KCNH3: variants seen among roughly 807,000 people sequenced by gnomAD.
KCNH3 encodes the protein voltage-gated inwardly rectifying potassium channel KCNH3.
A neutral mutation model predicts 95.6 loss-of-function variants in KCNH3; 36 were observed. The observed-to-expected ratio is 0.38, with a 90% CI of 0.29 to 0.50. The LOEUF is 0.50. Ranked by LOEUF, KCNH3 falls within the 20% of genes least tolerant of loss-of-function variation. The pLI, the probability that KCNH3 is intolerant of heterozygous loss-of-function variation, is 0.95. For missense variants in KCNH3, 1,030 were observed against 1,484.1 expected (o/e 0.69, Z 5.03); for synonymous variants, 620 against 646.3 (o/e 0.96, Z 0.62).
In KCNH3 at chr12:49,539,586, A is replaced by C. The variant is rs1279673510; in HGVS notation, c.76+94A>C. The C allele has an allele frequency of 1.8e-6, 2 of 1,124,976 alleles. No homozygotes were observed. Among genetic ancestry groups the C allele is most frequent in the African/African-American group, 3.2e-5 (2 of 61,972 alleles). 69.7% of individuals were successfully genotyped at this position (1,124,976 alleles called of 1,614,324 possible). A position where few individuals can be genotyped will look rare whatever the true frequency, so the allele number is the denominator to read the frequency against. ...ACCCCCAGCAGCCCAGCTTGGCGCC[A>C]GCCTATTCTCACCCTCTCCTCCCTA... On this transcript the variant is annotated intron_variant, in intron 1 of 14. Coordinates refer to ENST00000257981, the MANE Select transcript of KCNH3 (RefSeq NM_012284.3). This position sits in a 1 kb window ranked among gnomAD's most constrained non-coding sequence, Gnocchi z 6.7.
rs1313512254 is a variant in KCNH3, at chr12:49,557,992, C to T, written c.*39C>T. On this transcript the variant is annotated 3_prime_UTR_variant, in exon 15 of 15. Transcript: ENST00000257981. Reference sequence around the variant, plus strand: ...AACTCAGCGTTGCCAGGTGTGCTGCCATCTGCTGTTCGGCCCAACCTCAGA... The same window carrying T: ...AACTCAGCGTTGCCAGGTGTGCTGCTATCTGCTGTTCGGCCCAACCTCAGA... 6.2e-6 allele frequency: 9 copies of T among 1,442,402 alleles called. No individual in the cohort carries two copies. Among genetic ancestry groups the T allele is most frequent in the Non-Finnish European group, 6.4e-6 (7 of 1,094,116 alleles). 89.4% of individuals were successfully genotyped at this position (1,442,402 alleles called of 1,614,324 possible). A position where few individuals can be genotyped will look rare whatever the true frequency, so the allele number is the denominator to read the frequency against.
intron 10 of KCNH3, among the ~76,000 whole-genome samples, chr12:49,551,561 C>T (rs886445547): frequency 2.4e-4 from 29 of 122,900 alleles, no homozygotes; most frequent in African/African-American, 5.9e-4. Context: ...GGGCGATAAG[C>T]GAGACTCTGT....
intron 10 of KCNH3, among the ~76,000 whole-genome samples, chr12:49,551,341 C>T (rs767931901): frequency 4.6e-5 from 7 of 152,196 alleles, no homozygotes; most frequent in Middle Eastern, 3.4e-3. Flanking sequence ...TTTGGCAGGC[C>T]GAGGCAGGCA....
chr12:49,554,653 T>G (rs1300944125), intron 11 of KCNH3, 99 bp downstream of exon 11: 1 of 1,059,062 alleles, frequency 9.4e-7, no homozygotes, highest in African/African-American at 1.6e-5. Flanking sequence ...GTGTGAAGTG[T>G]GGCCTGGTAT....
intron 9 of KCNH3, 38 bp from the exon 10 acceptor site, chr12:49,550,042 C>CG: frequency 1.4e-6 from 2 of 1,480,062 alleles, no homozygotes; most frequent in South Asian, 1.3e-5. Flanking sequence ...TCTTCTGCCA[C>CG]TCCCAACCCC....
Position 49,541,019 on chromosome 12 carries a change from C to T in KCNH3, c.197C>T (p.Ala66Val). Residue 66 changes from alanine (A) to valine (V), a missense_variant, in exon 2 of 15, where the codon GCC becomes GTC. Physicochemically the swap from Ala to Val is moderately conservative, Grantham distance 64. Transcript: ENST00000257981. ...GCTGAGGTCATGCAGCGGGGCTGTG[C>T]CTGCTCCTTCCTTTATGGGCCAGAC... Reference protein sequence around the residue: ...SRAEVMQRGCACSFLYGPDTS... With the variant: ...SRAEVMQRGCVCSFLYGPDTS... 6.2e-7 allele frequency: 1 copy of T among 1,614,052 alleles called. No individual in the cohort carries two copies. Among genetic ancestry groups the T allele is most frequent in the Non-Finnish European group, 8.5e-7 (1 of 1,180,034 alleles).
At position 49,557,259 on chromosome 12, in the gene KCNH3, G is replaced by A. The variant is rs1938497556; in HGVS notation, c.2652G>A (p.Ala884=). The A allele has an allele frequency of 6.2e-7, 1 of 1,613,970 alleles. No individual in the cohort carries two copies. The change falls in exon 14 of 15, where the codon GCG becomes GCA. Residue 884 remains alanine, a splice_region_variant and synonymous_variant. Coordinates refer to ENST00000257981, the MANE Select transcript of KCNH3 (RefSeq NM_012284.3). ...NTDTLDKLRQ[A]VTELSEQVLQ... Reference sequence around the variant, plus strand: ...ACACACTGGACAAGCTTCGGCAGGCGGTGGGTGAGGGGGAAGGTGGAGGTG... The same window carrying A: ...ACACACTGGACAAGCTTCGGCAGGCAGTGGGTGAGGGGGAAGGTGGAGGTG...
In KCNH3 at chr12:49,550,181, C is replaced by A; in HGVS notation, c.1770C>A (p.Cys590Ter). Residue 590 changes from cysteine (C) to a stop codon, truncating the protein, a stop_gained, in exon 10 of 15, where the codon TGC (cysteine) becomes TGA (stop). Coordinates refer to ENST00000257981, the MANE Select transcript of KCNH3 (RefSeq NM_012284.3). LOFTEE classifies it high-confidence loss of function. ...TGTTTGAGGCGGCCAGCCGCGGCTG[C>A]CTGCGGGCACTGTCTCTGGCCCTGC... is the stretch of plus-strand genomic sequence containing the variant. ...LPLFEAASRG[C>*]LRALSLALRP... The A allele has an allele frequency of 6.2e-7, 1 of 1,609,524 alleles. No homozygotes were observed. Among genetic ancestry groups the A allele is most frequent in the Non-Finnish European group, 8.5e-7 (1 of 1,179,746 alleles).
chr12:49,549,947 G>C, intron 9 of KCNH3, 133 bp from the exon 10 acceptor site: 4 of 973,844 alleles, frequency 4.1e-6, no homozygotes, highest in Non-Finnish European at 4.4e-6. Context: ...GCTTGGAGTT[G>C]TGAGAGAGGC....
rs1206396051 is a variant in KCNH3 at position 49,539,328 on chromosome 12, C to T, written c.-89C>T. The T allele has an allele frequency of 2.6e-6, 2 of 758,256 alleles. No homozygotes were observed. The highest frequency in any genetic ancestry group is 4.5e-5 in the Admixed American group (1 of 21,992). The allele number at this position is 758,256 out of a possible 1,614,324, so 47.0% of individuals were successfully genotyped here. A position where few individuals can be genotyped will look rare whatever the true frequency, so the allele number is the denominator to read the frequency against. Reference sequence around the variant, plus strand: ...CGGCTGCGCTAGGGAGCGCGGGGCCCGGCGGGGGGCGGCCGAGCTGGGCGC... The same window carrying T: ...CGGCTGCGCTAGGGAGCGCGGGGCCTGGCGGGGGGCGGCCGAGCTGGGCGC... On this transcript the variant is annotated 5_prime_UTR_variant, in exon 1 of 15. Transcript: ENST00000257981. The surrounding 1 kb of genome is among the most constrained non-coding windows in gnomAD (Gnocchi z 6.7).
chr12:49,542,771 C>G lies in KCNH3; in HGVS notation c.511C>G (p.Arg171Gly). The G allele has an allele frequency of 6.3e-7, 1 of 1,594,884 alleles. No homozygotes were observed. The highest frequency in any genetic ancestry group is 8.5e-7 in the Non-Finnish European group (1 of 1,172,102). Residue 171 changes from arginine to glycine, a missense_variant, in exon 4 of 15, where the codon CGG becomes GGG. Physicochemically the swap from Arg to Gly is moderately radical, Grantham distance 125 (BLOSUM62 -2). Around this residue, in one of 9 missense-constraint regions of KCNH3, gnomAD observed 92 missense variants for 92.7 expected, o/e 0.99. Transcript: ENST00000257981. ...KGFNANRRRS[R>G]AVLYHLSGHL... Reference sequence around the variant, plus strand: ...CTTCAATGCCAACCGGCGGCGGAGCCGGGCCGTGCTCTACCACCTGTCCGG... The same window carrying G: ...CTTCAATGCCAACCGGCGGCGGAGCGGGGCCGTGCTCTACCACCTGTCCGG...
chr12:49,547,106 G>A lies in KCNH3; in HGVS notation c.1190-1789G>A, dbSNP rs140673185. Among the ~76,000 whole-genome samples the A allele has an allele frequency of 2.0e-3, 300 of 152,062 alleles. 2 individuals are homozygous for A. The highest frequency in any genetic ancestry group is 3.5e-3 in the Non-Finnish European group (238 of 67,982). ...GATGGGGTTTCACCATGTTGGTCAC[G>A]CTGGTCTCGAACTCCTGACCTTGTG... On this transcript the variant is annotated intron_variant, in intron 7 of 14. Transcript: ENST00000257981.
intron 13 of KCNH3, 49 bp from the exon 14 acceptor site, chr12:49,557,134 T>C (rs758975028): frequency 6.3e-7 from 1 of 1,592,696 alleles, no homozygotes; most frequent in Non-Finnish European, 8.6e-7. Context: ...CCAAATTGCC[T>C]ATCTCCTCTT....
At chr12:49,542,913 C>A in intron 4 of KCNH3, 74 bp downstream of exon 4, 2 of 1,540,622 alleles carry the variant, frequency 1.3e-6, no homozygotes, top group South Asian at 1.2e-5. Context: ...ACCTGATCTA[C>A]CACAGAGAGA....
rs756303070 is a variant in KCNH3 at position 49,542,788 on chromosome 12, C to T, written c.528C>T (p.His176=). 4 of 1,601,038 alleles carry T rather than the reference C, an allele frequency of 2.5e-6. No individual in the cohort carries two copies. The highest frequency in any genetic ancestry group is 1.3e-5 in the African/African-American group (1 of 74,988). Residue 176 remains histidine (H), a synonymous_variant, in exon 4 of 15, where the codon CAC becomes CAT. Transcript: ENST00000257981. ...NRRRSRAVLY[H]LSGHLQKQPK... ...GGCGGAGCCGGGCCGTGCTCTACCA[C>T]CTGTCCGGGCACCTGCAGAAGCAGC...
At position 49,550,259 on chromosome 12, in the gene KCNH3, G is replaced by A. The variant is rs1312956140; in HGVS notation, c.1848G>A (p.Leu616=). 1 of 1,610,224 alleles carries A rather than the reference G, an allele frequency of 6.2e-7. No homozygotes were observed. The change falls in exon 10 of 15, where the codon CTG becomes CTA. Residue 616 remains leucine, a synonymous_variant. Coordinates refer to ENST00000257981, the MANE Select transcript of KCNH3 (RefSeq NM_012284.3). Reference sequence around the variant, plus strand: ...ACCTCATCCACCAAGGCGATGCCCTGCAGGCCCTCTACTTTGTCTGCTCTG... The same window carrying A: ...ACCTCATCCACCAAGGCGATGCCCTACAGGCCCTCTACTTTGTCTGCTCTG... ...GEYLIHQGDA[L]QALYFVCSGS... is the part of the protein sequence containing the mutation.
chr12:49,552,854 C>A (rs533522383), intron 10 of KCNH3, among the ~76,000 whole-genome samples: 1 of 152,190 alleles, frequency 6.6e-6, no homozygotes, highest in Non-Finnish European at 1.5e-5. Context: ...GAGATCCAAA[C>A]AGCACTCAAA....
intron 1 of KCNH3, 59 bp from the exon 2 acceptor site, chr12:49,540,840 G>A (rs984168188): frequency 8.6e-5 from 118 of 1,377,596 alleles, no homozygotes; most frequent in Non-Finnish European, 1.1e-4. Context: ...GAGAAAGGAG[G>A]GGTGGTAGGC....
At position 49,539,527 on chromosome 12, in the gene KCNH3, G is replaced by A; in HGVS notation, c.76+35G>A. ...ACCCTCGCCCACTTGCACCCGGGCC[G>A]CCGGACCCTCGCCAGGGCTCCCGCC... On this transcript the variant is annotated intron_variant, in intron 1 of 14. Transcript: ENST00000257981. This position sits in a 1 kb window ranked among gnomAD's most constrained non-coding sequence, Gnocchi z 6.7. The A allele has an allele frequency of 6.4e-7, 1 of 1,561,446 alleles. No homozygotes were observed. Among genetic ancestry groups the A allele is most frequent in the Non-Finnish European group, 8.7e-7 (1 of 1,152,362 alleles).
Sources: gnomAD v4.1 joint callset for allele counts (sites outside exome capture counted in the v4.1 genomes callset) on GRCh38, gnomAD v4.1.1 for gene constraint, gnomAD v4.1.1 regional missense constraint, Gnocchi (gnomAD v3.1) non-coding constraint, MANE v1.5 for transcripts, NCBI Gene and HGNC (gene_info 2026-07-23, HGNC 2026-07-21) for gene names.